Variants in MCF2L2 observed in about 807,000 individuals in gnomAD.
The protein encoded by MCF2L2 is MCF.2 cell line derived transforming sequence-like 2, also known as probable guanine nucleotide exchange factor MCF2L2.
A neutral mutation model predicts 150.2 loss-of-function variants in MCF2L2; 102 were observed. The observed-to-expected ratio is 0.68, with a 90% CI of 0.58 to 0.80. The LOEUF is 0.80. MCF2L2 is among the 30% of genes least tolerant of loss of function. The pLI is 0.00. For synonymous variants in MCF2L2, 465 were observed against 491.3 expected (o/e 0.95, Z 0.71); for missense variants, 1,256 against 1,372.8 (o/e 0.91, Z 1.34).
rs1160612826 is a variant in MCF2L2 at position 183,181,466 on chromosome 3, A to G, written c.3017-1307T>C. Among the ~76,000 whole-genome samples the G allele has an allele frequency of 2.0e-5, 3 of 151,930 alleles. No homozygotes were observed. Among genetic ancestry groups the G allele is most frequent in the East Asian group, 3.9e-4 (2 of 5,168 alleles). ...CTAGTCCCAGGAGGTGGGAGGGGCA[A>G]GGGGTGGAGGGCAGAGGAGAAACTG... On this transcript the variant is annotated intron_variant, in intron 27 of 29. Coordinates refer to ENST00000328913, the MANE Select transcript of MCF2L2 (RefSeq NM_015078.4). The surrounding 1 kb of genome is among the most constrained non-coding windows in gnomAD (Gnocchi z 4.3).
chr3:183,195,131 G>T, intron 26 of MCF2L2, 91 bp downstream of exon 26: 1 of 1,075,474 alleles, frequency 9.3e-7, no homozygotes, highest in Non-Finnish European at 1.4e-6. Context: ...AAGTGTTGGG[G>T]GAAGAAAAGC....
At chr3:183,276,216 T>C (rs76016410) in intron 15 of MCF2L2, among the ~76,000 whole-genome samples, 2,360 of 152,318 alleles carry the variant, frequency 0.015, 31 homozygotes, top group Middle Eastern at 0.051. Flanking sequence ...TAATATTATG[T>C]TTAATCAAGG....
Position 183,231,010 on chromosome 3 carries a change from T to C in MCF2L2, c.1870A>G (p.Ile624Val). 1 of 1,613,424 alleles carries C rather than the reference T, an allele frequency of 6.2e-7. No individual in the cohort carries two copies. The highest frequency in any genetic ancestry group is 8.5e-7 in the Non-Finnish European group (1 of 1,179,516). Reference sequence around the variant, plus strand: ...TCTTCAGTCTCAAGCAAGTCACGTATAATGCGCCTGAATCACAGCAGCAGG... The same window carrying C: ...TCTTCAGTCTCAAGCAAGTCACGTACAATGCGCCTGAATCACAGCAGCAGG... ...LGDLSPRRRI[I>V]RDLLETEEIY... Residue 624 changes from isoleucine to valine, a missense_variant, in exon 16 of 30, where the codon ATA (isoleucine) becomes GTA (valine). Ile to Val is a conservative substitution (Grantham distance 29). Transcript: ENST00000328913.
intron 15 of MCF2L2, among the ~76,000 whole-genome samples, chr3:183,233,393 G>T (rs202122776): frequency 1.3e-5 from 2 of 150,858 alleles, no homozygotes. Context: ...GATATAGATA[G>T]ATATATGTGT....
intron 20 of MCF2L2, among the ~76,000 whole-genome samples, chr3:183,222,195 GACTGTTGGGC>G (rs1560350796): frequency 6.6e-6 from 1 of 152,124 alleles, no homozygotes; most frequent in Non-Finnish European, 1.5e-5. Context: ...TCTGAGGGGA[GACTGTTGGGC>G]AATGAGCTTA....
intron 15 of MCF2L2, among the ~76,000 whole-genome samples, chr3:183,273,837 A>G (rs1726991621): frequency 6.6e-6 from 1 of 152,224 alleles, no homozygotes; most frequent in Admixed American, 6.5e-5. Flanking sequence ...GCTCTACCAT[A>G]TATCTAGGTG....
intron 1 of MCF2L2, among the ~76,000 whole-genome samples, chr3:183,424,614 G>A (rs1009321465): frequency 2.0e-5 from 3 of 152,088 alleles, no homozygotes; most frequent in African/African-American, 4.8e-5. Flanking sequence ...ACAAGCGCAC[G>A]AATAACCCAG....
At position 183,267,703 on chromosome 3, in the gene MCF2L2, CCTGTGGTA is replaced by C. The variant is rs1726296811; in HGVS notation, c.1862+9161_1862+9168del. 6.6e-6 allele frequency among the ~76,000 whole-genome samples: 1 copy of C among 152,188 alleles called. No individual in the cohort carries two copies. Among genetic ancestry groups the C allele is most frequent in the African/African-American group, 2.4e-5 (1 of 41,446 alleles). ...CCTTTCCATCCAAGGAAGTGTTTTACCTGTGGTAAGCACGGGGGACAGAATTCTTGAGG... is the reference window on the plus strand; with the variant it reads ...CCTTTCCATCCAAGGAAGTGTTTTACAGCACGGGGGACAGAATTCTTGAGG... On this transcript the variant is annotated intron_variant, in intron 15 of 29. Transcript: ENST00000328913. This position sits in a 1 kb window ranked among gnomAD's most constrained non-coding sequence, Gnocchi z 5.5.
intron 3 of MCF2L2, among the ~76,000 whole-genome samples, chr3:183,363,284 C>T (rs1712324195): frequency 6.6e-6 from 1 of 152,186 alleles, no homozygotes; most frequent in Admixed American, 6.5e-5. Context: ...TACACATACT[C>T]TTACCATAAG....
At chr3:183,211,365 G>A (rs556078921) in intron 22 of MCF2L2, among the ~76,000 whole-genome samples, 8 of 152,266 alleles carry the variant, frequency 5.3e-5, no homozygotes, top group Non-Finnish European at 1.0e-4. Context: ...GACTCGGGGG[G>A]AGTCGCTGGG....
chr3:183,401,347 C>G (rs1274475335), intron 1 of MCF2L2, among the ~76,000 whole-genome samples: 1 of 152,160 alleles, frequency 6.6e-6, no homozygotes, highest in East Asian at 1.9e-4. Context: ...AGCTTCTCAT[C>G]TTTGTATCAT....
Position 183,233,777 on chromosome 3 carries a change from TA to T in MCF2L2, c.1863-2761del, listed in dbSNP as rs1723674144. On this transcript the variant is annotated intron_variant, in intron 15 of 29. Coordinates refer to ENST00000328913, the MANE Select transcript of MCF2L2 (RefSeq NM_015078.4). ...TAAAGTGAAACATTTACTGCTTTTA[TA>T]ATGGAAAAATAGGGTTTACATAATA... Among the ~76,000 whole-genome samples, 3 of 152,166 alleles carry T rather than the reference TA, an allele frequency of 2.0e-5. No homozygotes were observed. The South Asian group carries it at 6.2e-4, about 31-fold the overall frequency.
At chr3:183,322,711 T>TG (rs1402346063) in intron 6 of MCF2L2, among the ~76,000 whole-genome samples, 1 of 152,182 alleles carries the variant, frequency 6.6e-6, no homozygotes, top group Non-Finnish European at 1.5e-5. Context: ...TGCCAAGGTT[T>TG]GGGGTACAGT....
intron 7 of MCF2L2, 32 bp from the exon 8 acceptor site, chr3:183,311,804 A>G (rs926348571): frequency 4.3e-5 from 68 of 1,594,140 alleles, no homozygotes; most frequent in Non-Finnish European, 5.7e-5. Flanking sequence ...TCTTAGAACG[A>G]ATTAGAAAAA....
intron 27 of MCF2L2, among the ~76,000 whole-genome samples, chr3:183,189,527 TC>T (rs1376116797): frequency 6.6e-6 from 1 of 151,970 alleles, no homozygotes; most frequent in Non-Finnish European, 1.5e-5. Flanking sequence ...CTTCTTCCCT[TC>T]CCCCAGCCAG....
chr3:183,180,924 C>A (rs1721496467), intron 27 of MCF2L2, among the ~76,000 whole-genome samples: 1 of 152,240 alleles, frequency 6.6e-6, no homozygotes, highest in Non-Finnish European at 1.5e-5. Context: ...TACCCTCGCT[C>A]TGAGTGAGAT....
chr3:183,417,270 T>A (rs1312650174), intron 1 of MCF2L2, among the ~76,000 whole-genome samples: 2 of 151,762 alleles, frequency 1.3e-5, no homozygotes, highest in Non-Finnish European at 2.9e-5. Flanking sequence ...CTGGAACCAA[T>A]CCCCCTTGGA....
chr3:183,274,347 C>G (rs1038777052), intron 15 of MCF2L2, among the ~76,000 whole-genome samples: 25 of 152,098 alleles, frequency 1.6e-4, no homozygotes, highest in African/African-American at 6.0e-4. Context: ...TTACGTTTTC[C>G]TTTTCTTTGA....
At chr3:183,220,054 G>T in intron 20 of MCF2L2, 130 bp from the exon 21 acceptor site, 1 of 670,876 alleles carries the variant, frequency 1.5e-6, no homozygotes, top group Non-Finnish European at 2.7e-6. Flanking sequence ...GTGTAAATGT[G>T]TAAGAGGGAA....
Sources: allele counts gnomAD v4.1 joint callset (sites outside exome capture counted in the v4.1 genomes callset), GRCh38; gene constraint gnomAD v4.1.1; non-coding constraint Gnocchi (gnomAD v3.1); transcripts MANE v1.5; gene names NCBI Gene and HGNC (gene_info 2026-07-23, HGNC 2026-07-21).